The following UBXN7 variants were observed in gnomAD, a reference collection of about 807,000 sequenced individuals.
UBXN7 encodes UBX domain-containing protein 7.
In UBXN7, 9 loss-of-function variants were observed where a neutral mutation model predicts 58.0. That is an observed-to-expected ratio of 0.16 (90% confidence interval 0.09 to 0.27). The LOEUF is 0.27. UBXN7 is among the 10% of genes least tolerant of loss of function. The pLI is 1.00. For missense variants in UBXN7, 328 were observed against 599.6 expected, an observed-to-expected ratio of 0.55 and a Z score of 4.73; for synonymous variants, 208 against 205.0, an observed-to-expected ratio of 1.01 and a Z score of -0.12.
Position 196,352,920 on chromosome 3 carries a change from AT to A in UBXN7, c.*3764del, listed in dbSNP as rs1304448289. The A allele has an allele frequency of 1.3e-5, 2 of 152,198 alleles. No individual in the cohort carries two copies. Among genetic ancestry groups the A allele is most frequent in the African/African-American group, 4.8e-5 (2 of 41,456 alleles). The allele number at this position is 152,198 out of a possible 1,614,324, so 9.4% of individuals were successfully genotyped here. A position where few individuals can be genotyped will look rare whatever the true frequency, so the allele number is the denominator to read the frequency against. On this transcript the variant is annotated 3_prime_UTR_variant, in exon 11 of 11. Transcript: ENST00000296328. This position sits in a 1 kb window ranked among gnomAD's most constrained non-coding sequence, Gnocchi z 4.1. ...TGAAAAATGTTTAAAAAAAGAAAAA[AT>A]TGTTTTTTTACCCTTTTCATTTATT...
chr3:196,431,123 A>T (rs1481606408), intron 1 of UBXN7, among the ~76,000 whole-genome samples: 3 of 152,210 alleles, frequency 2.0e-5, no homozygotes, highest in Non-Finnish European at 4.4e-5. Flanking sequence ...AACAATATAA[A>T]ATTTTACTTA....
chr3:196,428,144 A>T (rs192808071), intron 1 of UBXN7, among the ~76,000 whole-genome samples: 3 of 152,090 alleles, frequency 2.0e-5, no homozygotes, highest in Admixed American at 2.0e-4. Context: ...AAAAACAAAA[A>T]CAAACAAAAA....
At chr3:196,419,146 C>T (rs1184791612) in intron 1 of UBXN7, among the ~76,000 whole-genome samples, 1 of 151,970 alleles carries the variant, frequency 6.6e-6, no homozygotes, top group Non-Finnish European at 1.5e-5. Flanking sequence ...GGGCGTCCAC[C>T]TACTAGGGAC....
chr3:196,368,448 A>G (rs1728729102), intron 7 of UBXN7, among the ~76,000 whole-genome samples: 1 of 152,222 alleles, frequency 6.6e-6, no homozygotes, highest in African/African-American at 2.4e-5. Flanking sequence ...CAGCATATGC[A>G]TACATTAAAA....
intron 1 of UBXN7, among the ~76,000 whole-genome samples, chr3:196,420,152 G>T (rs879341642): frequency 1.7e-4 from 26 of 152,180 alleles, no homozygotes; most frequent in Non-Finnish European, 3.8e-4. Flanking sequence ...ACTACAGTTA[G>T]AAGAACATAC....
intron 1 of UBXN7, among the ~76,000 whole-genome samples, chr3:196,424,552 T>G (rs2108626461): frequency 6.6e-6 from 1 of 151,852 alleles, no homozygotes; most frequent in East Asian, 1.9e-4. Context: ...CCAGTTAATT[T>G]TTTTTTACTT....
chr3:196,358,563 C>G lies in UBXN7; in HGVS notation c.1309-1717G>C, dbSNP rs140262609. ...CCAGCCTGGGTAACATAGTGAGAAC[C>G]CTTCTCTACAAAAAAGAATTTTAAA... On this transcript the variant is annotated intron_variant, in intron 10 of 10. Coordinates refer to ENST00000296328, the MANE Select transcript of UBXN7 (RefSeq NM_015562.2). Among the ~76,000 whole-genome samples, 636 of 152,196 alleles carry G rather than the reference C, an allele frequency of 4.2e-3. 3 individuals are homozygous for G. Among genetic ancestry groups the G allele is most frequent in the Non-Finnish European group, 6.0e-3 (411 of 68,006 alleles).
chr3:196,390,880 A>C (rs1459324425), intron 5 of UBXN7, among the ~76,000 whole-genome samples: 3 of 152,208 alleles, frequency 2.0e-5, no homozygotes, highest in African/African-American at 7.2e-5. Flanking sequence ...AATCTTTACT[A>C]AACTCCTTCA....
At chr3:196,400,288 T>G (rs1241871250) in intron 3 of UBXN7, 1 of 152,206 alleles carries the variant, frequency 6.6e-6, no homozygotes, top group Non-Finnish European at 1.5e-5. Context: ...ATTAGGGACC[T>G]GAGCCCACAC....
intron 1 of UBXN7, among the ~76,000 whole-genome samples, chr3:196,408,474 A>G (rs916668080): frequency 6.6e-6 from 1 of 152,208 alleles, no homozygotes; most frequent in Non-Finnish European, 1.5e-5. Context: ...TTATATTGAA[A>G]AGTTGGAAAT....
Position 196,375,961 on chromosome 3 carries a change from A to C in UBXN7, c.469-3919T>G, listed in dbSNP as rs376392373. On this transcript the variant is annotated intron_variant, in intron 5 of 10. Transcript: ENST00000296328. ...CAAGTATTGCTTGAATCTGGGAGGC[A>C]GAGGTTGCAGTGAGCTGGGATCATG... is the stretch of plus-strand genomic sequence containing the variant. 9.8e-5 allele frequency among the ~76,000 whole-genome samples: 15 copies of C among 152,316 alleles called. No homozygotes were observed. In the East Asian group the frequency reaches 2.7e-3, roughly 27 times the overall value.
At chr3:196,421,892 T>C (rs1050896898) in intron 1 of UBXN7, among the ~76,000 whole-genome samples, 2 of 151,904 alleles carry the variant, frequency 1.3e-5, no homozygotes, top group East Asian at 1.9e-4. Context: ...TACACACTTA[T>C]TGAAATGGCT....
intron 2 of UBXN7, among the ~76,000 whole-genome samples, 184 bp from the exon 3 acceptor site, chr3:196,403,203 G>A: frequency 6.6e-6 from 1 of 152,116 alleles, no homozygotes; most frequent in Non-Finnish European, 1.5e-5. Flanking sequence ...TGTCGTCCAG[G>A]CTGGAGTGGA....
At chr3:196,383,442 G>A (rs1189053179) in intron 5 of UBXN7, among the ~76,000 whole-genome samples, 1 of 152,148 alleles carries the variant, frequency 6.6e-6, no homozygotes, top group Non-Finnish European at 1.5e-5. Flanking sequence ...TCTGCAACAA[G>A]CAGACCTAAT....
intron 3 of UBXN7, among the ~76,000 whole-genome samples, chr3:196,401,223 C>A (rs1188813720): frequency 2.3e-5 from 2 of 88,798 alleles, no homozygotes; most frequent in African/African-American, 8.8e-5. Flanking sequence ...ATCAGCCTGA[C>A]TAACATGGAG....
intron 1 of UBXN7, among the ~76,000 whole-genome samples, chr3:196,407,648 TTTTGGCCATTTC>T (rs1730202845): frequency 2.0e-5 from 3 of 152,222 alleles, no homozygotes; most frequent in Non-Finnish European, 4.4e-5. Flanking sequence ...ATAAAGCATT[TTTTGGCCATTTC>T]TTTGGCCATT....
At chr3:196,380,846 C>T (rs1729184800) in intron 5 of UBXN7, among the ~76,000 whole-genome samples, 1 of 152,250 alleles carries the variant, frequency 6.6e-6, no homozygotes. Flanking sequence ...CCTGGCTTGG[C>T]AGGTCCCACG....
chr3:196,431,755 G>A lies in UBXN7; in HGVS notation c.73+572C>T, dbSNP rs771472687. ...CCCCGCTTCTGGCGGCCTGTCCCCC[G>A]TGAAGTGTAAAGGCACGGCCGAACC... is the stretch of plus-strand genomic sequence containing the variant. On this transcript the variant is annotated intron_variant, in intron 1 of 10. Transcript: ENST00000296328. 8.2e-5 allele frequency: 37 copies of A among 448,996 alleles called. 1 individual carries two copies. The highest frequency in any genetic ancestry group is 1.4e-4 in the Non-Finnish European group (32 of 223,614). The allele number at this position is 448,996 out of a possible 1,614,324, so 27.8% of individuals were successfully genotyped here. A position where few individuals can be genotyped will look rare whatever the true frequency, so the allele number is the denominator to read the frequency against.
chr3:196,363,746 T>C (rs1321057814), intron 8 of UBXN7, among the ~76,000 whole-genome samples: 1 of 152,040 alleles, frequency 6.6e-6, no homozygotes, highest in African/African-American at 2.4e-5. Context: ...CTGGCCAACA[T>C]GGCGAAACCC....
Sources: gnomAD v4.1 joint callset for allele counts (sites outside exome capture counted in the v4.1 genomes callset) on GRCh38, gnomAD v4.1.1 for gene constraint, Gnocchi (gnomAD v3.1) non-coding constraint, MANE v1.5 for transcripts, NCBI Gene and HGNC (gene_info 2026-07-23, HGNC 2026-07-21) for gene names.